Variants in SSTR3 observed in about 807,000 individuals in gnomAD.
SSTR3 encodes somatostatin receptor 3.
For synonymous variants in SSTR3, 281 were observed against 269.2 expected (o/e 1.04, Z -0.43); for missense variants, 504 against 604.7 (o/e 0.83, Z 1.75).
Position 37,207,179 on chromosome 22 carries a change from A to G in SSTR3, c.625T>C (p.Tyr209His). Residue 209 changes from tyrosine (Y) to histidine (H), a missense_variant, in exon 2 of 2, where the codon TAC becomes CAC. Coordinates refer to ENST00000610913, the MANE Select transcript of SSTR3 (RefSeq NM_001051.5). Reference protein sequence around the residue: ...AAAWRAGFIIYTAALGFFGPL... With the variant: ...AAAWRAGFIIHTAALGFFGPL... ...CCGAAGAAGCCCAGTGCGGCCGTGTAGATGATGAAGCCGGCTCGCCAGGCC... is the reference window on the plus strand; with the variant it reads ...CCGAAGAAGCCCAGTGCGGCCGTGTGGATGATGAAGCCGGCTCGCCAGGCC... 1 of 1,612,210 alleles carries G rather than the reference A, an allele frequency of 6.2e-7. No homozygotes were observed. The highest frequency in any genetic ancestry group is 8.5e-7 in the Non-Finnish European group (1 of 1,179,540).
At chr22:37,209,195 A>T (rs914870126) in intron 1 of SSTR3, among the ~76,000 whole-genome samples, 1 of 152,124 alleles carries the variant, frequency 6.6e-6, no homozygotes, top group Non-Finnish European at 1.5e-5. Flanking sequence ...CCCTATATGG[A>T]TGTCACTGTT....
In SSTR3 at chr22:37,206,573, T is replaced by C; in HGVS notation, c.1231A>G (p.Ser411Gly). Residue 411 changes from serine (S) to glycine (G), a missense_variant, in exon 2 of 2, where the codon AGC becomes GGC. Transcript: ENST00000610913. ...TACAGGTAGCTGATGCGCATCGTGC[T>C]GGACTTCTCCCCAGTGGAAGCCTCT... ...PQEASTGEKS[S>G]TMRISYL The C allele has an allele frequency of 6.2e-7, 1 of 1,611,772 alleles. No individual in the cohort carries two copies.
At chr22:37,217,300 A>G (rs1321450467), upstream of SSTR3, among the ~76,000 whole-genome samples, 1 of 149,752 alleles carries the variant, frequency 6.7e-6, no homozygotes, top group Non-Finnish European at 1.5e-5. Context: ...ATCCCAATCC[A>G]TTGTGTAACT....
chr22:37,216,201 C>T (rs149667270), upstream of SSTR3, among the ~76,000 whole-genome samples: 1 of 150,008 alleles, frequency 6.7e-6, no homozygotes, highest in Non-Finnish European at 1.5e-5. Context: ...CTCCCACCCC[C>T]CCATCCCACA....
chr22:37,214,218 A>G (rs189544151), upstream of SSTR3, among the ~76,000 whole-genome samples: 1 of 152,056 alleles, frequency 6.6e-6, no homozygotes, highest in African/African-American at 2.4e-5. Flanking sequence ...AGAATACACC[A>G]CTCTGGCATA....
intron 1 of SSTR3, among the ~76,000 whole-genome samples, chr22:37,209,371 C>G (rs891354160): frequency 6.6e-6 from 1 of 152,222 alleles, no homozygotes; most frequent in African/African-American, 2.4e-5. Flanking sequence ...GCTTCTCCAG[C>G]TGGCTGGGTT....
At position 37,206,415 on chromosome 22, in the gene SSTR3, C is replaced by G; in HGVS notation, c.*132G>C. ...CCTACCCAAGGTCACACAGCAAGAC[C>G]TGGCAGCAATAGCATCAAAGTCCAG... is the stretch of plus-strand genomic sequence containing the variant. On this transcript the variant is annotated 3_prime_UTR_variant, in exon 2 of 2. Coordinates refer to ENST00000610913, the MANE Select transcript of SSTR3 (RefSeq NM_001051.5). 1 of 1,401,344 alleles carries G rather than the reference C, an allele frequency of 7.1e-7. No individual in the cohort carries two copies. The highest frequency in any genetic ancestry group is 9.4e-7 in the Non-Finnish European group (1 of 1,060,740). 86.8% of individuals were successfully genotyped at this position (1,401,344 alleles called of 1,614,324 possible).
chr22:37,219,719 TA>T, the SSTR3 span, among the ~76,000 whole-genome samples: 1 of 152,226 alleles, frequency 6.6e-6, no homozygotes, highest in Admixed American at 6.5e-5. Flanking sequence ...TGTAGTGGCT[TA>T]CAATAGCCAT....
rs229568 is a variant in SSTR3 at position 37,206,572 on chromosome 22, C to A, written c.1232G>T (p.Ser411Ile). 4 of 1,611,496 alleles carry A rather than the reference C, an allele frequency of 2.5e-6. No individual in the cohort carries two copies. The African/African-American group carries it at 5.3e-5, about 21-fold the overall frequency. The change falls in exon 2 of 2, where the codon AGC (serine) becomes ATC (isoleucine). Residue 411 changes from serine to isoleucine, a missense_variant. By Grantham distance (142) the Ser-to-Ile change is moderately radical. Coordinates refer to ENST00000610913, the MANE Select transcript of SSTR3 (RefSeq NM_001051.5). ...PQEASTGEKS[S>I]TMRISYL ...CTACAGGTAGCTGATGCGCATCGTGCTGGACTTCTCCCCAGTGGAAGCCTC... is the reference window on the plus strand; with the variant it reads ...CTACAGGTAGCTGATGCGCATCGTGATGGACTTCTCCCCAGTGGAAGCCTC...
chr22:37,209,336 G>T (rs1601655847), intron 1 of SSTR3, among the ~76,000 whole-genome samples: 1 of 152,214 alleles, frequency 6.6e-6, no homozygotes, highest in African/African-American at 2.4e-5. Flanking sequence ...TGAAGCCAAG[G>T]GTAGCAAGGA....
rs762807238 is a variant in SSTR3, at chr22:37,207,693, C to A, written c.111G>T (p.Pro37=). 1 of 1,558,854 alleles carries A rather than the reference C, an allele frequency of 6.4e-7. No individual in the cohort carries two copies. Among genetic ancestry groups the A allele is most frequent in the South Asian group, 1.2e-5 (1 of 83,318 alleles). The change falls in exon 2 of 2, where the codon CCG becomes CCT. Residue 37 remains proline, a synonymous_variant. Coordinates refer to ENST00000610913, the MANE Select transcript of SSTR3 (RefSeq NM_001051.5). ...TLGNVSAGPS[P]AGLAVSGVLI... ...GAACGCCACTGACGGCCAGCCCTGCCGGGCTTGGGCCCGCCGACACGTTGC... is the reference window on the plus strand; with the variant it reads ...GAACGCCACTGACGGCCAGCCCTGCAGGGCTTGGGCCCGCCGACACGTTGC...
upstream of SSTR3, among the ~76,000 whole-genome samples, chr22:37,214,131 G>C (rs941237018): frequency 3.3e-5 from 5 of 152,158 alleles, no homozygotes; most frequent in East Asian, 9.6e-4. Context: ...GCTCCAGCCT[G>C]GAACCCGTCC....
intron 1 of SSTR3, among the ~76,000 whole-genome samples, chr22:37,210,099 C>T (rs549387625): frequency 2.0e-5 from 3 of 152,344 alleles, no homozygotes; most frequent in Admixed American, 1.3e-4. Flanking sequence ...CACCTTGCTG[C>T]CCTGTGCTGT....
chr22:37,216,335 C>T (rs1259294631), upstream of SSTR3, among the ~76,000 whole-genome samples: 4 of 152,132 alleles, frequency 2.6e-5, no homozygotes, highest in African/African-American at 9.7e-5. Context: ...TCTTACAGTA[C>T]AGGAGAAGTT....
rs144108226 is a variant in SSTR3, at chr22:37,206,564, G to A, written c.1240C>T (p.Arg414Cys). Residue 414 changes from arginine (R) to cysteine (C), a missense_variant, in exon 2 of 2, where the codon CGC becomes TGC. Physicochemically the swap from Arg to Cys is radical, Grantham distance 180. Transcript: ENST00000610913. ...CCAGGCCCCTACAGGTAGCTGATGC[G>A]CATCGTGCTGGACTTCTCCCCAGTG... ...ASTGEKSSTM[R>C]ISYL 365 of 1,607,294 alleles carry A rather than the reference G, an allele frequency of 2.3e-4. No individual in the cohort carries two copies. The highest frequency in any genetic ancestry group is 2.5e-4 in the Non-Finnish European group (300 of 1,176,726).
chr22:37,212,175 A>C lies in SSTR3; in HGVS notation c.-387T>G. On this transcript the variant is annotated 5_prime_UTR_variant, in exon 1 of 2. The change creates a premature stop within an existing upstream ORF in the 5' untranslated region. Transcript: ENST00000610913. ...GCAAGGGACACAGAAGCCAATAGAA[A>C]TAGAGGGGAAAGGGGGTCGGGAGGA... 1.0e-6 allele frequency: 1 copy of C among 983,800 alleles called. No individual in the cohort carries two copies. The highest frequency in any genetic ancestry group is 1.2e-6 in the Non-Finnish European group (1 of 829,332). 60.9% of individuals were successfully genotyped at this position (983,800 alleles called of 1,614,324 possible). A position where few individuals can be genotyped will look rare whatever the true frequency, so the allele number is the denominator to read the frequency against.
upstream of SSTR3, among the ~76,000 whole-genome samples, chr22:37,212,534 G>C (rs1488212164): frequency 3.3e-5 from 5 of 151,480 alleles, no homozygotes; most frequent in Non-Finnish European, 7.4e-5. Context: ...GCGGGGTGCA[G>C]GTTAAGGGAG....
chr22:37,214,805 G>A (rs905631385), upstream of SSTR3, among the ~76,000 whole-genome samples: 5 of 152,118 alleles, frequency 3.3e-5, no homozygotes, highest in East Asian at 1.9e-4. Flanking sequence ...AGTCCCGACC[G>A]CGGCCTAGGG....
In SSTR3 at chr22:37,212,111, G is replaced by A. The variant is rs376459859; in HGVS notation, c.-323C>T. ...CCTGGGGGGGCAGGGGCAAGGATAGGGGGGAGAAGCTTCCCAGGGTGAGGA... is the reference window on the plus strand; with the variant it reads ...CCTGGGGGGGCAGGGGCAAGGATAGAGGGGAGAAGCTTCCCAGGGTGAGGA... On this transcript the variant is annotated 5_prime_UTR_variant, in exon 1 of 2. Coordinates refer to ENST00000610913, the MANE Select transcript of SSTR3 (RefSeq NM_001051.5). The A allele has an allele frequency of 4.1e-6, 4 of 985,282 alleles. No homozygotes were observed. The highest frequency in any genetic ancestry group is 1.1e-4 in the East Asian group (1 of 8,808). 61.0% of individuals were successfully genotyped at this position (985,282 alleles called of 1,614,324 possible). A position where few individuals can be genotyped will look rare whatever the true frequency, so the allele number is the denominator to read the frequency against.
Sources: allele counts gnomAD v4.1 joint callset (sites outside exome capture counted in the v4.1 genomes callset), GRCh38; gene constraint gnomAD v4.1.1; transcripts MANE v1.5; gene names NCBI Gene and HGNC (gene_info 2026-07-23, HGNC 2026-07-21).